Variants in ANO4 observed in about 807,000 individuals in gnomAD.
ANO4 encodes the protein anoctamin 4.
In ANO4, 69 loss-of-function variants were observed where a neutral mutation model predicts 141.9. The ratio of observed to expected loss-of-function variants is 0.49; its 90% CI spans 0.40 to 0.59. The LOEUF is 0.59. Ranked by LOEUF, ANO4 falls within the 20% of genes least tolerant of loss-of-function variation. The pLI, the probability that ANO4 is intolerant of heterozygous loss-of-function variation, is 0.00. For missense variants in ANO4, 894 were observed against 1,162.2 expected, an observed-to-expected ratio of 0.77 and a Z score of 3.36; for synonymous variants, 350 against 394.3, an observed-to-expected ratio of 0.89 and a Z score of 1.33.
chr12:100,823,170 T>G (rs917463637), intron 1 of ANO4, among the ~76,000 whole-genome samples: 1 of 152,068 alleles, frequency 6.6e-6, no homozygotes, highest in Non-Finnish European at 1.5e-5. Flanking sequence ...TTCCATTTAT[T>G]GCAGGCATAA....
At chr12:101,125,159 G>A (rs1177468666) in intron 26 of ANO4, among the ~76,000 whole-genome samples, 1 of 152,192 alleles carries the variant, frequency 6.6e-6, no homozygotes, top group African/African-American at 2.4e-5. Flanking sequence ...GCAGTGGTCT[G>A]TAGTTCTTGA....
chr12:100,881,478 C>T (rs919070840), intron 1 of ANO4, among the ~76,000 whole-genome samples: 3 of 150,302 alleles, frequency 2.0e-5, no homozygotes, highest in African/African-American at 7.3e-5. Context: ...TCAAATTCTC[C>T]ACTATTGGAT....
chr12:100,772,277 A>G (rs12581676), intron 3 of ANO4, among the ~76,000 whole-genome samples: 28,783 of 152,140 alleles, frequency 0.19, 3,019 homozygotes, highest in African/African-American at 0.25. Flanking sequence ...GAGTTATGCA[A>G]TATGTATTTG....
chr12:101,063,696 T>C (rs2048441539), intron 14 of ANO4, among the ~76,000 whole-genome samples: 1 of 148,842 alleles, frequency 6.7e-6, no homozygotes, highest in Admixed American at 6.7e-5. Context: ...GCAGGAAGGC[T>C]TTTAATGCAA....
chr12:100,880,160 CAG>C (rs978513988), intron 1 of ANO4, among the ~76,000 whole-genome samples: 1 of 152,084 alleles, frequency 6.6e-6, no homozygotes, highest in Admixed American at 6.6e-5. Flanking sequence ...AATTGAGAAA[CAG>C]GGATGATTCT....
At chr12:100,756,101 A>G (rs1367005677) in intron 3 of ANO4, among the ~76,000 whole-genome samples, 1 of 152,216 alleles carries the variant, frequency 6.6e-6, no homozygotes, top group Non-Finnish European at 1.5e-5. Flanking sequence ...ATTAAAATGC[A>G]ATTACAAAAT....
At chr12:100,747,306 TGGG>T (rs569604056) in intron 3 of ANO4, among the ~76,000 whole-genome samples, 10 of 152,100 alleles carry the variant, frequency 6.6e-5, no homozygotes, top group South Asian at 6.2e-4. Context: ...ATCAAAAACA[TGGG>T]GGGAATTTTT....
intron 5 of ANO4, among the ~76,000 whole-genome samples, chr12:100,956,742 G>A (rs1446257852): frequency 1.3e-5 from 2 of 152,160 alleles, no homozygotes; most frequent in Non-Finnish European, 2.9e-5. Context: ...CCTGTTACAG[G>A]CGTTCGCTGT....
chr12:100,971,586 T>C (rs1275474400), intron 6 of ANO4, among the ~76,000 whole-genome samples, 180 bp downstream of exon 6: 1 of 152,246 alleles, frequency 6.6e-6, no homozygotes, highest in Non-Finnish European at 1.5e-5. Context: ...CATGGCTTTT[T>C]GTGAAAAATT....
intron 2 of ANO4, among the ~76,000 whole-genome samples, chr12:100,917,284 A>C (rs1370828497): frequency 1.3e-5 from 2 of 152,002 alleles, no homozygotes; most frequent in Admixed American, 6.6e-5. Context: ...ATTGTACTTA[A>C]TTGCATGTTA....
intron 8 of ANO4, among the ~76,000 whole-genome samples, chr12:101,001,242 G>A (rs1165276062): frequency 6.6e-6 from 1 of 152,144 alleles, no homozygotes; most frequent in East Asian, 1.9e-4. Context: ...AGGGAACTAG[G>A]ATCCCATCTG....
intron 22 of ANO4, among the ~76,000 whole-genome samples, chr12:101,105,235 T>C (rs534554115): frequency 2.2e-4 from 34 of 152,178 alleles, no homozygotes; most frequent in Admixed American, 4.6e-4. Flanking sequence ...GCTTAATCTG[T>C]GACCAGCTTT....
At chr12:101,048,432 T>G in intron 14 of ANO4, 31 bp downstream of exon 14, 1 of 1,579,058 alleles carries the variant, frequency 6.3e-7, no homozygotes, top group Middle Eastern at 1.7e-4. Flanking sequence ...AAACTTGAGT[T>G]TTCCTCATAT....
chr12:100,814,613 A>G (rs1171694665), intron 1 of ANO4, among the ~76,000 whole-genome samples: 1 of 152,168 alleles, frequency 6.6e-6, no homozygotes. Context: ...GACTCTGTCT[A>G]TCTCAGTTTT....
intron 1 of ANO4, among the ~76,000 whole-genome samples, chr12:100,727,628 A>G (rs947415231): frequency 2.6e-5 from 4 of 152,142 alleles, no homozygotes. Context: ...AATCCATCTC[A>G]TAGTCTCTTA....
chr12:101,110,387 C>G lies in ANO4; in HGVS notation c.2150-17C>G. On this transcript the variant is annotated splice_polypyrimidine_tract_variant and intron_variant, in intron 22 of 27. Transcript: ENST00000392977. ...AAAACCAATACTCTCTGCTCTTTTT[C>G]CTTTTTTCTTTTCTAGTTCTTCAGT... 1 of 1,596,156 alleles carries G rather than the reference C, an allele frequency of 6.3e-7. No homozygotes were observed. Among genetic ancestry groups the G allele is most frequent in the Non-Finnish European group, 8.5e-7 (1 of 1,172,982 alleles).
intron 1 of ANO4, among the ~76,000 whole-genome samples, chr12:100,894,235 C>T (rs2040231820): frequency 6.6e-6 from 1 of 152,056 alleles, no homozygotes; most frequent in Admixed American, 6.5e-5. Context: ...AATAGCCTGA[C>T]ACTAAGTGAG....
Position 101,127,053 on chromosome 12 carries a change from CACA to C in ANO4, c.2854_2856del (p.Asn952del). 2 of 1,613,332 alleles carry C rather than the reference CACA, an allele frequency of 1.2e-6. No homozygotes were observed. On this transcript the variant is annotated inframe_deletion, in exon 27 of 28. Coordinates refer to ENST00000392977, the MANE Select transcript of ANO4 (RefSeq NM_001286615.2). ...GAGGAAGAAGAATGGAAAAGCACAC[CACA>C]ACGAGTGGCCGTGACCATGTAGGTG...
chr12:100,999,843 G>A (rs57524963), intron 8 of ANO4, among the ~76,000 whole-genome samples: 13,685 of 151,180 alleles, frequency 0.091, 718 homozygotes, highest in Middle Eastern at 0.18. Flanking sequence ...CCAGGAGTTT[G>A]AGACCAGCCT....
Sources: allele counts gnomAD v4.1 joint callset (sites outside exome capture counted in the v4.1 genomes callset), GRCh38; gene constraint gnomAD v4.1.1; transcripts MANE v1.5; gene names NCBI Gene and HGNC (gene_info 2026-07-23, HGNC 2026-07-21).